The following TAF3 variants were observed in gnomAD, a reference collection of about 807,000 sequenced individuals.
TAF3 encodes TATA-box binding protein associated factor 3, also known as transcription initiation factor TFIID subunit 3.
Under a neutral mutation model 80.6 loss-of-function variants are expected in TAF3, and 7 were observed. That is an observed-to-expected ratio of 0.09 (90% confidence interval 0.05 to 0.16). TAF3 has a LOEUF of 0.16. TAF3 is among the 10% of genes least tolerant of loss of function. The pLI is 1.00. For missense variants in TAF3, 921 were observed against 1,140.2 expected (o/e 0.81, Z 2.77); for synonymous variants, 444 against 446.1 (o/e 1.00, Z 0.06).
chr10:7,868,931 T>TA (rs1485507204), intron 2 of TAF3, among the ~76,000 whole-genome samples: 1 of 152,200 alleles, frequency 6.6e-6, no homozygotes, highest in African/African-American at 2.4e-5. Flanking sequence ...GGTTTAAACT[T>TA]ATGAAGGTCT....
intron 2 of TAF3, among the ~76,000 whole-genome samples, chr10:7,892,818 C>CTT (rs1020623158): frequency 0.01 from 1,425 of 137,138 alleles, 16 homozygotes; most frequent in Middle Eastern, 0.031. Context: ...TTTTCTTTTT[C>CTT]TTTTTTTTTT....
At chr10:7,909,394 A>G (rs2131178172) in intron 2 of TAF3, among the ~76,000 whole-genome samples, 1 of 152,300 alleles carries the variant, frequency 6.6e-6, no homozygotes, top group East Asian at 1.9e-4. Flanking sequence ...CTTGGCCTCC[A>G]CCACCATCTG....
chr10:7,993,880 C>CTT (rs953356058), intron 4 of TAF3, among the ~76,000 whole-genome samples: 3,599 of 104,372 alleles, frequency 0.034, 272 homozygotes, highest in African/African-American at 0.12. Context: ...AATATACAAT[C>CTT]TTTTTTTTTT....
At chr10:7,835,201 C>T (rs892002722) in intron 2 of TAF3, among the ~76,000 whole-genome samples, 6 of 152,098 alleles carry the variant, frequency 3.9e-5, no homozygotes, top group Admixed American at 2.0e-4. Context: ...CTAACACCAT[C>T]GATAGCTGCT....
chr10:7,829,867 C>G (rs1328965415), intron 2 of TAF3, among the ~76,000 whole-genome samples: 2 of 152,120 alleles, frequency 1.3e-5, no homozygotes, highest in African/African-American at 2.4e-5. Flanking sequence ...AGGAACTCTT[C>G]TGCATGGGGA....
intron 3 of TAF3, among the ~76,000 whole-genome samples, chr10:7,974,891 C>A (rs889072356): frequency 6.6e-6 from 1 of 151,688 alleles, no homozygotes; most frequent in Non-Finnish European, 1.5e-5. Flanking sequence ...CTGGCCAACA[C>A]GGTGAAACCC....
At position 7,965,443 on chromosome 10, in the gene TAF3, G is replaced by A. The variant is rs1344432759; in HGVS notation, c.1933G>A (p.Asp645Asn). 1.2e-6 allele frequency: 2 copies of A among 1,613,468 alleles called. No homozygotes were observed. Among genetic ancestry groups the A allele is most frequent in the Admixed American group, 3.3e-5 (2 of 59,872 alleles). Residue 645 changes from aspartate to asparagine, a missense_variant, in exon 3 of 7, where the codon GAT (aspartate) becomes AAT (asparagine). Asp to Asn is a conservative substitution (Grantham distance 23). This residue lies in a region of TAF3 where 743 missense variants were observed against 821.0 expected (regional missense o/e 0.90). Coordinates refer to ENST00000344293, the MANE Select transcript of TAF3 (RefSeq NM_031923.4). ...AAAAGTGAAAGATAAAGGCAGAGAA[G>A]ATAAGATGAAAGCCCCAGCACCCCC... ...KEKVKDKGREDKMKAPAPPLV... is the reference protein window; with the variant it reads ...KEKVKDKGRENKMKAPAPPLV...
chr10:7,919,277 T>C (rs1342098272), intron 2 of TAF3, among the ~76,000 whole-genome samples: 1 of 152,206 alleles, frequency 6.6e-6, no homozygotes, highest in Admixed American at 6.5e-5. Context: ...CTCAGTTTTC[T>C]GCAGGCCCCA....
intron 2 of TAF3, among the ~76,000 whole-genome samples, chr10:7,952,479 G>A (rs1052132229): frequency 6.6e-6 from 1 of 152,142 alleles, no homozygotes; most frequent in African/African-American, 2.4e-5. Context: ...TTTCAGACAC[G>A]TTAGCCCAGG....
intron 4 of TAF3, among the ~76,000 whole-genome samples, chr10:8,006,605 C>G (rs142509484): frequency 1.6e-3 from 244 of 152,300 alleles, no homozygotes; most frequent in African/African-American, 5.5e-3. Context: ...ATCACCCTTG[C>G]AGGAAACAAA....
chr10:7,958,542 G>A (rs1838158534), intron 2 of TAF3, among the ~76,000 whole-genome samples: 1 of 151,872 alleles, frequency 6.6e-6, no homozygotes, highest in Non-Finnish European at 1.5e-5. Flanking sequence ...TCAAAAACAA[G>A]CAAACTACCT....
chr10:8,003,891 C>G (rs965013582), intron 4 of TAF3, among the ~76,000 whole-genome samples: 1 of 152,010 alleles, frequency 6.6e-6, no homozygotes. Flanking sequence ...AAAGAAAAAA[C>G]AACCAAAACA....
rs1832033939 is a variant in TAF3 at position 8,009,643 on chromosome 10, CAG to C, written c.2568+316_2568+317del. ...TTTTTTTTCTTTTTTTTTTTTGAGA[CAG>C]AGTTTCGCTCTTATTGCCCAACCTG... is the stretch of plus-strand genomic sequence containing the variant. On this transcript the variant is annotated intron_variant, in intron 5 of 6. Transcript: ENST00000344293. The surrounding 1 kb of genome is among the most constrained non-coding windows in gnomAD (Gnocchi z 4.1). Among the ~76,000 whole-genome samples, 1 of 149,212 alleles carries C rather than the reference CAG, an allele frequency of 6.7e-6. No individual in the cohort carries two copies. The highest frequency in any genetic ancestry group is 2.0e-4 in the East Asian group (1 of 5,096).
In TAF3 at chr10:7,996,272, G is replaced by A. The variant is rs1363687394; in HGVS notation, c.2316-12806G>A. Reference sequence around the variant, plus strand: ...AGCCGCTTCAAGCTCACGCACAGCTGTCGGCAGGAGGCTCCGGGGACCTCT... The same window carrying A: ...AGCCGCTTCAAGCTCACGCACAGCTATCGGCAGGAGGCTCCGGGGACCTCT... On this transcript the variant is annotated intron_variant, in intron 4 of 6. Transcript: ENST00000344293. Among the ~76,000 whole-genome samples, 28 of 152,204 alleles carry A rather than the reference G, an allele frequency of 1.8e-4. 1 individual carries two copies.
chr10:7,941,701 C>T (rs538335319), intron 2 of TAF3, among the ~76,000 whole-genome samples: 9 of 152,278 alleles, frequency 5.9e-5, no homozygotes, highest in Non-Finnish European at 1.3e-4. Flanking sequence ...AGTAAGTTCT[C>T]ATGGGGTCAG....
chr10:8,014,999 C>CTACA lies in TAF3; in HGVS notation c.*248_*249insTACA. Reference sequence around the variant, plus strand: ...GAGGCGTGGCCTGGGGGCTGCCCCTCCTCCACTTCTCTAATACCAGTGACA... The same window carrying CTACA: ...GAGGCGTGGCCTGGGGGCTGCCCCTCTACACTCCACTTCTCTAATACCAGTGACA... On this transcript the variant is annotated 3_prime_UTR_variant, in exon 7 of 7. Transcript: ENST00000344293. 1.9e-5 allele frequency: 7 copies of CTACA among 362,498 alleles called. No individual in the cohort carries two copies. The highest frequency in any genetic ancestry group is 7.7e-5 in the South Asian group (2 of 26,024). The allele number at this position is 362,498 out of a possible 1,614,324, so 22.5% of individuals were successfully genotyped here.
rs1485928597 is a variant in TAF3 at position 7,975,309 on chromosome 10, A to C, written c.2233-1932A>C. Among the ~76,000 whole-genome samples, 5 of 152,250 alleles carry C rather than the reference A, an allele frequency of 3.3e-5. No individual in the cohort carries two copies. In the South Asian group the frequency reaches 1.0e-3, roughly 32 times the overall value. On this transcript the variant is annotated intron_variant, in intron 3 of 6. Coordinates refer to ENST00000344293, the MANE Select transcript of TAF3 (RefSeq NM_031923.4). ...GATGTGTAGAAGGGGAAAGAAGGTC[A>C]TGGGAAGAGTCTTGAAAGTGCTAAA...
chr10:8,008,976 C>G, intron 4 of TAF3, 102 bp from the exon 5 acceptor site: 7 of 1,448,092 alleles, frequency 4.8e-6, no homozygotes, highest in Non-Finnish European at 6.5e-6. Flanking sequence ...TGAAGTATTT[C>G]GCTACTGGAA....
At chr10:7,927,722 A>G (rs1299974188) in intron 2 of TAF3, among the ~76,000 whole-genome samples, 1 of 152,160 alleles carries the variant, frequency 6.6e-6, no homozygotes, top group Non-Finnish European at 1.5e-5. Flanking sequence ...TGAAATAAAT[A>G]TGATAATATA....
Sources: gnomAD v4.1 joint callset for allele counts (sites outside exome capture counted in the v4.1 genomes callset) on GRCh38, gnomAD v4.1.1 for gene constraint, gnomAD v4.1.1 regional missense constraint, Gnocchi (gnomAD v3.1) non-coding constraint, MANE v1.5 for transcripts, NCBI Gene and HGNC (gene_info 2026-07-23, HGNC 2026-07-21) for gene names.